Variants in WDR44 observed in about 807,000 individuals in gnomAD.
WDR44 encodes WD repeat domain 44.
In WDR44, 9 loss-of-function variants were observed where a neutral mutation model predicts 65.7. The ratio of observed to expected loss-of-function variants is 0.14; its 90% CI spans 0.08 to 0.24. WDR44 has a LOEUF of 0.24. Ranked by LOEUF, WDR44 falls within the 10% of genes least tolerant of loss-of-function variation. The pLI, the probability that WDR44 is intolerant of heterozygous loss-of-function variation, is 1.00. For synonymous variants in WDR44, 220 were observed against 235.2 expected, an observed-to-expected ratio of 0.94 and a Z score of 0.59; for missense variants, 425 against 670.9, an observed-to-expected ratio of 0.63 and a Z score of 4.05.
chrX:118,400,670 GT>G (rs57214124), intron 8 of WDR44, among the ~76,000 whole-genome samples: 17,540 of 70,555 alleles, frequency 0.25, 2,720 homozygotes, highest in African/African-American at 0.66. Context: ...AATCAGTTTT[GT>G]TTTTTTTTTT....
intron 12 of WDR44, among the ~76,000 whole-genome samples, chrX:118,422,883 A>G (rs1391389497): frequency 9.0e-6 from 1 of 111,434 alleles, no homozygotes; most frequent in South Asian, 3.7e-4. Context: ...TAACTCAACA[A>G]TTTCACACAG....
chrX:118,380,028 G>A (rs966265761), intron 2 of WDR44, among the ~76,000 whole-genome samples: 10 of 111,385 alleles, frequency 9.0e-5, no homozygotes, highest in African/African-American at 2.9e-4. Flanking sequence ...ACTTTACCCC[G>A]TAATTATAGA....
chrX:118,361,003 T>C (rs1050428971), intron 1 of WDR44, among the ~76,000 whole-genome samples: 1 of 111,503 alleles, frequency 9.0e-6, no homozygotes, highest in African/African-American at 3.3e-5. Flanking sequence ...CCACCTTTTT[T>C]TTTCCTCAGG....
intron 19 of WDR44, among the ~76,000 whole-genome samples, chrX:118,448,205 A>G (rs2057364314): frequency 1.8e-5 from 2 of 110,653 alleles, no homozygotes; most frequent in Admixed American, 2.0e-4. Context: ...TTCCAATTAA[A>G]GTTTGGATTA....
At chrX:118,358,930 C>T (rs1400808806) in intron 1 of WDR44, among the ~76,000 whole-genome samples, 3 of 109,913 alleles carry the variant, frequency 2.7e-5, no homozygotes, top group Non-Finnish European at 5.7e-5. Context: ...GAAAGTTAGC[C>T]GGGCATGGTA....
chrX:118,440,949 C>CTTTTTTT (rs1214126337), intron 14 of WDR44, among the ~76,000 whole-genome samples: 13 of 50,358 alleles, frequency 2.6e-4, no homozygotes, highest in African/African-American at 7.2e-4. Context: ...TAAATGAAAT[C>CTTTTTTT]TTTTTTTTTT....
chrX:118,425,398 A>G (rs2057147492), intron 12 of WDR44, among the ~76,000 whole-genome samples: 3 of 112,276 alleles, frequency 2.7e-5, no homozygotes, highest in Non-Finnish European at 5.6e-5. Flanking sequence ...CTGTAATCCC[A>G]GCACTTTGGG....
At chrX:118,391,425 C>T (rs1477871346) in intron 3 of WDR44, among the ~76,000 whole-genome samples, 3 of 111,680 alleles carry the variant, frequency 2.7e-5, no homozygotes, top group Non-Finnish European at 5.6e-5. Context: ...GCTAAGAAAT[C>T]AGGGATGAAT....
At chrX:118,423,665 A>G (rs1165518037) in intron 12 of WDR44, among the ~76,000 whole-genome samples, 4 of 111,974 alleles carry the variant, frequency 3.6e-5, no homozygotes, top group Non-Finnish European at 7.5e-5. Context: ...ACGATACAGT[A>G]TTGTAAACTG....
intron 1 of WDR44, among the ~76,000 whole-genome samples, chrX:118,350,377 A>G (rs1257688567): frequency 8.9e-6 from 1 of 111,806 alleles, no homozygotes; most frequent in East Asian, 2.8e-4. Flanking sequence ...TTGATAGAGC[A>G]GGAAAGAGAA....
At chrX:118,401,995 TG>T (rs2056920496) in intron 8 of WDR44, among the ~76,000 whole-genome samples, 1 of 98,838 alleles carries the variant, frequency 1.0e-5, no homozygotes, top group Non-Finnish European at 2.0e-5. Context: ...GTCAACTTGC[TG>T]TTTTTTGTTT....
At chrX:118,424,708 G>A in intron 12 of WDR44, among the ~76,000 whole-genome samples, 1 of 110,643 alleles carries the variant, frequency 9.0e-6, no homozygotes, top group Non-Finnish European at 1.9e-5. Flanking sequence ...GTTTGATACA[G>A]TCCCGTTTGT....
intron 12 of WDR44, among the ~76,000 whole-genome samples, chrX:118,415,691 A>T (rs1001476146): frequency 3.6e-5 from 4 of 111,028 alleles, no homozygotes; most frequent in African/African-American, 1.3e-4. Flanking sequence ...TTTAGTAGAG[A>T]CGAGGTTTCA....
intron 1 of WDR44, among the ~76,000 whole-genome samples, chrX:118,369,298 A>G (rs1415046418): frequency 7.7e-5 from 8 of 103,355 alleles, no homozygotes; most frequent in Non-Finnish European, 1.4e-4. Flanking sequence ...CAGCCTCCCG[A>G]CTAGCTGGGA....
rs1160168210 is a variant in WDR44 at position 118,393,031 on chromosome X, G to T, written c.586G>T (p.Asp196Tyr). ...GGDVLEPVSS[D>Y]SLSTKDFAAV... ...TGATGTTTTAGAGCCTGTGTCCTCAGACTCCTTATCTACTAAAGATTTTGC... is the reference window on the plus strand; with the variant it reads ...TGATGTTTTAGAGCCTGTGTCCTCATACTCCTTATCTACTAAAGATTTTGC... Residue 196 changes from aspartate to tyrosine, a missense_variant, in exon 4 of 20, where the codon GAC becomes TAC. Around this residue, in one of 5 missense-constraint regions of WDR44, gnomAD observed 193 missense variants for 209.0 expected, o/e 0.92. Transcript: ENST00000254029. 2 of 1,210,130 alleles carry T rather than the reference G, an allele frequency of 1.7e-6. No homozygotes were observed. The highest frequency in any genetic ancestry group is 3.5e-5 in the African/African-American group (2 of 57,178).
intron 1 of WDR44, among the ~76,000 whole-genome samples, chrX:118,378,043 G>A (rs1387785235): frequency 9.1e-6 from 1 of 109,881 alleles, no homozygotes; most frequent in African/African-American, 3.3e-5. Flanking sequence ...TGAAACCTCC[G>A]CCTCCCGGTT....
intron 1 of WDR44, among the ~76,000 whole-genome samples, chrX:118,374,686 G>A (rs1395286050): frequency 9.0e-6 from 1 of 111,592 alleles, no homozygotes; most frequent in Middle Eastern, 4.7e-3. Flanking sequence ...GACCTTTGCT[G>A]TATTCCAGAA....
chrX:118,397,163 T>C, intron 7 of WDR44, 57 bp downstream of exon 7: 1 of 1,039,614 alleles, frequency 9.6e-7, no homozygotes, highest in East Asian at 3.5e-5. Flanking sequence ...TTAAGATTTC[T>C]CTGTTAATGA....
chrX:118,349,101 G>GT (rs2056379538), intron 1 of WDR44, among the ~76,000 whole-genome samples: 1 of 111,930 alleles, frequency 8.9e-6, no homozygotes, highest in East Asian at 2.8e-4. Flanking sequence ...AATCAGCCCA[G>GT]TTTTTTTAGA....
Sources: gnomAD v4.1 joint callset for allele counts (sites outside exome capture counted in the v4.1 genomes callset) on GRCh38, gnomAD v4.1.1 for gene constraint, gnomAD v4.1.1 regional missense constraint, MANE v1.5 for transcripts, NCBI Gene and HGNC (gene_info 2026-07-23, HGNC 2026-07-21) for gene names.